The following NOCT variants were observed in gnomAD, a reference collection of about 807,000 sequenced individuals.
NOCT encodes the protein nocturnin.
NOCT carries 18 observed loss-of-function variants against 35.0 expected under a neutral mutation model. The observed-to-expected ratio is 0.51, with a 90% CI of 0.36 to 0.76. The LOEUF (loss-of-function observed/expected upper bound fraction) is 0.76. Ranked by LOEUF, NOCT falls within the 30% of genes least tolerant of loss-of-function variation. NOCT has a pLI of 0.01. For missense variants in NOCT, 479 were observed against 541.0 expected, an observed-to-expected ratio of 0.89 and a Z score of 1.14; for synonymous variants, 235 against 226.3, an observed-to-expected ratio of 1.04 and a Z score of -0.34.
At chr4:139,042,498 T>C (rs1248023209) in intron 1 of NOCT, among the ~76,000 whole-genome samples, 1 of 152,208 alleles carries the variant, frequency 6.6e-6, no homozygotes, top group African/African-American at 2.4e-5. Context: ...AAGATCAAAG[T>C]ATTTCTTCCT....
chr4:139,036,794 G>A (rs1303121061), intron 1 of NOCT, among the ~76,000 whole-genome samples: 1 of 152,188 alleles, frequency 6.6e-6, no homozygotes, highest in Non-Finnish European at 1.5e-5. Flanking sequence ...TTAACATACA[G>A]CAGAGAGATT....
chr4:139,044,963 C>T lies in NOCT; in HGVS notation c.785C>T (p.Thr262Ile). The change falls in exon 3 of 3, where the codon ACC becomes ATC. Residue 262 changes from threonine to isoleucine, a missense_variant. Physicochemically the swap from Thr to Ile is moderately conservative, Grantham distance 89. This residue lies in a region of NOCT where 214 missense variants were observed against 284.0 expected (regional missense o/e 0.75). Transcript: ENST00000280614. ...NIRLTAMTLK[T>I]NQVAIAQTLE... ...AGGCTGACAGCCATGACATTGAAAACCAACCAGGTGGCCATTGCACAGACC... is the reference window on the plus strand; with the variant it reads ...AGGCTGACAGCCATGACATTGAAAATCAACCAGGTGGCCATTGCACAGACC... The T allele has an allele frequency of 6.2e-7, 1 of 1,614,218 alleles. No homozygotes were observed. The highest frequency in any genetic ancestry group is 8.5e-7 in the Non-Finnish European group (1 of 1,180,044).
At chr4:139,021,059 A>G (rs147082697) in intron 1 of NOCT, among the ~76,000 whole-genome samples, 3 of 148,002 alleles carry the variant, frequency 2.0e-5, no homozygotes, top group Admixed American at 6.8e-5. Flanking sequence ...AGTAGGAGCA[A>G]TACTCTGTCT....
intron 1 of NOCT, among the ~76,000 whole-genome samples, chr4:139,026,273 G>T (rs887599401): frequency 2.0e-5 from 3 of 151,810 alleles, no homozygotes; most frequent in Admixed American, 2.0e-4. Context: ...AGCTAATTTT[G>T]TGTTTTTGGT....
intron 2 of NOCT, 60 bp from the exon 3 acceptor site, chr4:139,044,579 T>C (rs775849290): frequency 1.5e-5 from 16 of 1,069,294 alleles, no homozygotes; most frequent in Non-Finnish European, 2.1e-5. Flanking sequence ...CCAAACCTCC[T>C]GGGTACTTTG....
At chr4:139,032,741 T>G (rs993326179) in intron 1 of NOCT, among the ~76,000 whole-genome samples, 2 of 152,162 alleles carry the variant, frequency 1.3e-5, no homozygotes, top group Admixed American at 6.5e-5. Flanking sequence ...AAATAAGCTT[T>G]GAATATTGAG....
intron 1 of NOCT, among the ~76,000 whole-genome samples, chr4:139,037,517 G>C (rs1726756442): frequency 6.6e-6 from 1 of 152,016 alleles, no homozygotes; most frequent in African/African-American, 2.4e-5. Flanking sequence ...GGAACCTCCT[G>C]CCTCAGCCTC....
intron 1 of NOCT, among the ~76,000 whole-genome samples, chr4:139,029,522 A>G (rs1033585692): frequency 2.0e-5 from 3 of 152,236 alleles, no homozygotes; most frequent in Non-Finnish European, 4.4e-5. Context: ...GTGGCACTCA[A>G]TAACAGACTT....
chr4:139,033,003 T>A (rs752765018), intron 1 of NOCT, among the ~76,000 whole-genome samples: 99 of 151,878 alleles, frequency 6.5e-4, no homozygotes, highest in Non-Finnish European at 1.1e-3. Flanking sequence ...GGGCGGAGGC[T>A]GCAGTGAGCC....
chr4:139,033,367 A>C (rs1292562161), intron 1 of NOCT, among the ~76,000 whole-genome samples: 1 of 151,714 alleles, frequency 6.6e-6, no homozygotes, highest in African/African-American at 2.4e-5. Context: ...TCCATCTCAA[A>C]AAAAAAAAAA....
rs188590316 is a variant in NOCT at position 139,034,576 on chromosome 4, T to G, written c.191-8498T>G. Among the ~76,000 whole-genome samples the G allele has an allele frequency of 7.5e-4, 114 of 152,182 alleles. 1 individual carries two copies. In the South Asian group the frequency reaches 8.7e-3, roughly 12 times the overall value. ...CCTGGTTTGTTTGCTGTGGTGTTGT[T>G]GTGGTGGTGGTGGTGAAAGGGTCTT... On this transcript the variant is annotated intron_variant, in intron 1 of 2. Transcript: ENST00000280614.
chr4:139,024,943 G>T (rs150796864), intron 1 of NOCT, among the ~76,000 whole-genome samples: 1 of 152,250 alleles, frequency 6.6e-6, no homozygotes, highest in East Asian at 1.9e-4. Flanking sequence ...TCTGGAGAAC[G>T]GGCAGCCAGG....
intron 1 of NOCT, among the ~76,000 whole-genome samples, chr4:139,016,547 T>C (rs146671289): frequency 6.6e-6 from 1 of 151,372 alleles, no homozygotes; most frequent in East Asian, 1.9e-4. Context: ...AAAAAAAATC[T>C]AAATGATGCT....
chr4:139,025,017 G>A (rs1317360019), intron 1 of NOCT, among the ~76,000 whole-genome samples: 1 of 152,102 alleles, frequency 6.6e-6, no homozygotes, highest in South Asian at 2.1e-4. Flanking sequence ...AAGAAAGGAG[G>A]GTTTCCTTCT....
At chr4:139,029,578 A>G (rs1726588177) in intron 1 of NOCT, among the ~76,000 whole-genome samples, 1 of 152,244 alleles carries the variant, frequency 6.6e-6, no homozygotes, top group South Asian at 2.1e-4. Flanking sequence ...CCTGCCAGAA[A>G]GTAATACCTT....
chr4:139,038,095 G>A (rs1726767041), intron 1 of NOCT, among the ~76,000 whole-genome samples: 1 of 152,046 alleles, frequency 6.6e-6, no homozygotes, highest in African/African-American at 2.4e-5. Context: ...AACTCCTCGG[G>A]AGGCTGAGGA....
In NOCT at chr4:139,045,248, C is replaced by G; in HGVS notation, c.1070C>G (p.Ser357Ter). 1 of 1,614,194 alleles carries G rather than the reference C, an allele frequency of 6.2e-7. No individual in the cohort carries two copies. The highest frequency in any genetic ancestry group is 8.5e-7 in the Non-Finnish European group (1 of 1,180,030). Residue 357 changes from serine to a stop codon, truncating the protein, a stop_gained, in exon 3 of 3, where the codon TCA (serine) becomes TGA (stop). Transcript: ENST00000280614. LOFTEE classifies it high-confidence loss of function. ...AAGCTGCTGAGTGCTGATGGGCAGT[C>G]AGAACCCCCATACACTACCTGGAAG... ...AYKLLSADGQSEPPYTTWKIR... is the reference protein window; with the variant it reads ...AYKLLSADGQ
chr4:139,027,524 G>A (rs1726545146), intron 1 of NOCT, among the ~76,000 whole-genome samples: 1 of 150,902 alleles, frequency 6.6e-6, no homozygotes, highest in African/African-American at 2.4e-5. Context: ...TTTTGAGACC[G>A]AGTCTGGCTC....
At chr4:139,025,646 C>T (rs1229913158) in intron 1 of NOCT, among the ~76,000 whole-genome samples, 1 of 152,026 alleles carries the variant, frequency 6.6e-6, no homozygotes, top group East Asian at 1.9e-4. Context: ...ACTAAAAATA[C>T]AAAAATTAGC....
Sources: gnomAD v4.1 joint callset for allele counts (sites outside exome capture counted in the v4.1 genomes callset) on GRCh38, gnomAD v4.1.1 for gene constraint, gnomAD v4.1.1 regional missense constraint, MANE v1.5 for transcripts, NCBI Gene and HGNC (gene_info 2026-07-23, HGNC 2026-07-21) for gene names.